The following ARK2C variants were observed in gnomAD, a reference collection of about 807,000 sequenced individuals.
The protein encoded by ARK2C is arkadia (RNF111) C-terminal like ring finger ubiquitin ligase 2C, also known as E3 ubiquitin-protein ligase ARK2C.
chr18:46,367,861 C>T, the ARK2C span, among the ~76,000 whole-genome samples: 1 of 152,332 alleles, frequency 6.6e-6, no homozygotes, highest in South Asian at 2.1e-4. Context: ...TCTGGATATT[C>T]ATTGCAGTTG....
the ARK2C span, chr18:46,447,386 C>G: frequency 4.4e-6 from 3 of 674,204 alleles, no homozygotes; most frequent in South Asian, 5.9e-5. Flanking sequence ...CTTTCCTTCT[C>G]TGAGTCTCTG....
chr18:46,383,265 T>C, the ARK2C span, among the ~76,000 whole-genome samples: 1 of 152,310 alleles, frequency 6.6e-6, no homozygotes, highest in Non-Finnish European at 1.5e-5. Flanking sequence ...TGGCATCAAG[T>C]CAAAATTTCA....
At chr18:46,392,434 G>A in the ARK2C span, among the ~76,000 whole-genome samples, 1 of 152,246 alleles carries the variant, frequency 6.6e-6, no homozygotes, top group African/African-American at 2.4e-5. Context: ...TCTTTTGGTG[G>A]CTTGCTGACC....
the ARK2C span, chr18:46,459,441 ACT>A: frequency 6.6e-6 from 1 of 152,144 alleles, no homozygotes; most frequent in Non-Finnish European, 1.5e-5. Flanking sequence ...GTGGGCACAC[ACT>A]CTGTTTCAGA....
At chr18:46,428,282 G>A in the ARK2C span, among the ~76,000 whole-genome samples, 3 of 152,130 alleles carry the variant, frequency 2.0e-5, no homozygotes, top group Admixed American at 6.5e-5. Context: ...GGTGGCAGGC[G>A]CCTGTAGTCC....
chr18:46,414,166 G>A, the ARK2C span, among the ~76,000 whole-genome samples: 2 of 152,330 alleles, frequency 1.3e-5, no homozygotes, highest in East Asian at 3.9e-4. Flanking sequence ...GGCTCAGAGA[G>A]GCCAGGCTGC....
At chr18:46,415,370 A>AT in the ARK2C span, among the ~76,000 whole-genome samples, 31 of 151,936 alleles carry the variant, frequency 2.0e-4, no homozygotes, top group Non-Finnish European at 3.8e-4. Flanking sequence ...AATACAAAAA[A>AT]TTTTTTATAT....
At chr18:46,370,272 G>A in the ARK2C span, among the ~76,000 whole-genome samples, 48 of 152,208 alleles carry the variant, frequency 3.2e-4, no homozygotes, top group African/African-American at 5.3e-4. Flanking sequence ...GGGAAACATC[G>A]TTATTCCCAT....
At chr18:46,397,452 G>GT in the ARK2C span, among the ~76,000 whole-genome samples, 3 of 138,602 alleles carry the variant, frequency 2.2e-5, no homozygotes, top group African/African-American at 8.3e-5. Flanking sequence ...AGGTGTGAGG[G>GT]GGTGTGTGTG....
At chr18:46,337,436 A>G in the ARK2C span, 1 of 985,406 alleles carries the variant, frequency 1.0e-6, no homozygotes, top group Non-Finnish European at 1.2e-6. Context: ...GACAATGTAC[A>G]GCGCTCGGTT....
chr18:46,401,732 T>C, the ARK2C span, among the ~76,000 whole-genome samples: 69 of 152,362 alleles, frequency 4.5e-4, no homozygotes, highest in African/African-American at 1.5e-3. Context: ...TTCAGGCTTC[T>C]CCACGGAGCT....
the ARK2C span, among the ~76,000 whole-genome samples, chr18:46,383,778 T>TCTC: frequency 6.6e-5 from 10 of 151,878 alleles, no homozygotes; most frequent in South Asian, 2.1e-4. Context: ...ATGGTCTTGA[T>TCTC]CTGACCTCGT....
the ARK2C span, chr18:46,337,124 T>C: frequency 5.1e-6 from 5 of 984,908 alleles, no homozygotes; most frequent in Non-Finnish European, 6.0e-6. Flanking sequence ...ACAGCAGCAA[T>C]AATAAAAGAA....
At chr18:46,368,161 C>A in the ARK2C span, among the ~76,000 whole-genome samples, 1 of 152,224 alleles carries the variant, frequency 6.6e-6, no homozygotes, top group Non-Finnish European at 1.5e-5. Context: ...CTCCATGAGA[C>A]TTTGTGCTTG....
chr18:46,352,915 T>C, the ARK2C span, among the ~76,000 whole-genome samples: 11 of 152,344 alleles, frequency 7.2e-5, no homozygotes, highest in African/African-American at 2.6e-4. Flanking sequence ...CGTCAGGTCT[T>C]ACATTGATCC....
the ARK2C span, among the ~76,000 whole-genome samples, chr18:46,340,870 G>A: frequency 6.6e-6 from 1 of 152,240 alleles, no homozygotes; most frequent in African/African-American, 2.4e-5. Context: ...TGCTGCAGAG[G>A]CGGGTTTGCA....
the ARK2C span, among the ~76,000 whole-genome samples, chr18:46,343,563 A>G: frequency 2.0e-5 from 3 of 152,316 alleles, no homozygotes; most frequent in East Asian, 5.8e-4. Context: ...TCCTGGCTTC[A>G]TGGCCTCTCT....
chr18:46,368,715 G>A, the ARK2C span, among the ~76,000 whole-genome samples: 1,274 of 152,348 alleles, frequency 8.4e-3, 10 homozygotes, highest in East Asian at 0.044. Context: ...TGAAAGTTTA[G>A]CGTAGTGGTC....
the ARK2C span, chr18:46,456,210 G>C: frequency 1.5e-6 from 1 of 673,898 alleles, no homozygotes; most frequent in Non-Finnish European, 2.7e-6. Flanking sequence ...GCTATAATGT[G>C]CTTCATGGTT....
Sources: allele counts gnomAD v4.1 joint callset (sites outside exome capture counted in the v4.1 genomes callset), GRCh38; gene constraint gnomAD v4.1.1; transcripts MANE v1.5; gene names NCBI Gene and HGNC (gene_info 2026-07-23, HGNC 2026-07-21).